The following FAT3 variants were observed in gnomAD, a reference collection of about 807,000 sequenced individuals.
FAT3 encodes the protein protocadherin Fat 3.
Under a neutral mutation model 310.2 loss-of-function variants are expected in FAT3, and 95 were observed. The observed-to-expected ratio is 0.31, with a 90% CI of 0.26 to 0.36. The LOEUF (loss-of-function observed/expected upper bound fraction) is 0.36. Ranked by LOEUF, FAT3 falls within the 10% of genes least tolerant of loss-of-function variation. FAT3 has a pLI of 1.00. For synonymous variants in FAT3, 2,314 were observed against 2,192.9 expected, an observed-to-expected ratio of 1.06 and a Z score of -1.54; for missense variants, 5,408 against 5,715.6, an observed-to-expected ratio of 0.95 and a Z score of 1.74.
At chr11:92,752,986 T>G (rs571924589) in intron 4 of FAT3, among the ~76,000 whole-genome samples, 1 of 152,306 alleles carries the variant, frequency 6.6e-6, no homozygotes, top group East Asian at 1.9e-4. Context: ...TCAACCTGGG[T>G]TGAGATTTCT....
At chr11:92,824,384 A>C (rs1386164066) in intron 13 of FAT3, among the ~76,000 whole-genome samples, 2 of 152,170 alleles carry the variant, frequency 1.3e-5, no homozygotes, top group East Asian at 3.9e-4. Flanking sequence ...AAAGAAAATC[A>C]TTTTTAAATC....
chr11:92,765,263 G>T (rs543169594), intron 6 of FAT3, among the ~76,000 whole-genome samples, 174 bp downstream of exon 6: 1 of 152,086 alleles, frequency 6.6e-6, no homozygotes, highest in Non-Finnish European at 1.5e-5. Context: ...CTGTGCTTTC[G>T]TTCCAACTCT....
At position 92,866,944 on chromosome 11, in the gene FAT3, T is replaced by C. The variant is rs1224956462; in HGVS notation, c.11862T>C (p.Ser3954=). Residue 3954 remains serine, a synonymous_variant, in exon 22 of 28, where the codon AGT becomes AGC. Coordinates refer to ENST00000525166, the MANE Select transcript of FAT3 (RefSeq NM_001367949.2). ...ACTTCCAGACGCTGAGCACTGAGAG[T>C]AGCATCTACTTCGGCGCCCTGGTGC... ...PLYFQTLSTE[S]SIYFGALVQA... is the part of the protein sequence containing the mutation. 1 of 1,613,578 alleles carries C rather than the reference T, an allele frequency of 6.2e-7. No homozygotes were observed. The highest frequency in any genetic ancestry group is 8.5e-7 in the Non-Finnish European group (1 of 1,179,734).
intron 1 of FAT3, among the ~76,000 whole-genome samples, chr11:92,280,924 T>G (rs986989962): frequency 6.6e-6 from 1 of 152,196 alleles, no homozygotes; most frequent in African/African-American, 2.4e-5. Context: ...CAAGCCAACT[T>G]CTTAAAATCT....
At chr11:92,448,213 A>G (rs570065226) in intron 2 of FAT3, among the ~76,000 whole-genome samples, 5 of 152,322 alleles carry the variant, frequency 3.3e-5, no homozygotes, top group African/African-American at 9.6e-5. Context: ...GGCAAAAAAT[A>G]TAAGGATTCA....
At chr11:92,597,761 T>C (rs981900348) in intron 3 of FAT3, among the ~76,000 whole-genome samples, 3 of 152,214 alleles carry the variant, frequency 2.0e-5, no homozygotes, top group African/African-American at 7.2e-5. Context: ...TCCAGACTGA[T>C]ATGAATCAAA....
intron 3 of FAT3, among the ~76,000 whole-genome samples, chr11:92,531,818 C>T (rs1954084130): frequency 6.6e-6 from 1 of 151,982 alleles, no homozygotes; most frequent in Non-Finnish European, 1.5e-5. Context: ...GTTTCTCAAC[C>T]TCGATACTGT....
chr11:92,755,423 C>T (rs1945964298), intron 4 of FAT3, among the ~76,000 whole-genome samples: 1 of 152,006 alleles, frequency 6.6e-6, no homozygotes, highest in African/African-American at 2.4e-5. Context: ...AGGGTCTCAC[C>T]ATGTTGGCCA....
chr11:92,289,076 T>G (rs189713226), intron 1 of FAT3, among the ~76,000 whole-genome samples: 28 of 152,252 alleles, frequency 1.8e-4, no homozygotes, highest in Admixed American at 7.2e-4. Flanking sequence ...TAGGCCTTAA[T>G]GCACAGACTT....
intron 3 of FAT3, among the ~76,000 whole-genome samples, chr11:92,546,620 T>G (rs1217422489): frequency 1.3e-5 from 2 of 152,236 alleles, no homozygotes; most frequent in African/African-American, 4.8e-5. Context: ...CCGTACATAG[T>G]GAAGCACAAA....
chr11:92,543,207 A>G (rs1358823450), intron 3 of FAT3, among the ~76,000 whole-genome samples: 3 of 152,070 alleles, frequency 2.0e-5, no homozygotes, highest in Non-Finnish European at 2.9e-5. Flanking sequence ...GGAAGAGATT[A>G]ATCAACATGT....
At chr11:92,491,215 A>T (rs1342453637) in intron 2 of FAT3, among the ~76,000 whole-genome samples, 1 of 151,880 alleles carries the variant, frequency 6.6e-6, no homozygotes, top group Non-Finnish European at 1.5e-5. Flanking sequence ...TAGCTTAGTG[A>T]CTCTCAGCTG....
chr11:92,616,255 CT>C, intron 3 of FAT3, among the ~76,000 whole-genome samples: 1 of 152,150 alleles, frequency 6.6e-6, no homozygotes, highest in South Asian at 2.1e-4. Context: ...CTCTTTTGAT[CT>C]TTGTTGGTTT....
At chr11:92,597,834 G>A (rs555280728) in intron 3 of FAT3, among the ~76,000 whole-genome samples, 148 of 152,176 alleles carry the variant, frequency 9.7e-4, no homozygotes, top group Non-Finnish European at 1.8e-3. Context: ...AGTAATCCAT[G>A]GGAATACAAA....
At chr11:92,822,034 G>A (rs1358546868) in intron 13 of FAT3, among the ~76,000 whole-genome samples, 1 of 152,040 alleles carries the variant, frequency 6.6e-6, no homozygotes, top group African/African-American at 2.4e-5. Flanking sequence ...CTCTGCAGTT[G>A]ATTATAATGC....
intron 2 of FAT3, among the ~76,000 whole-genome samples, chr11:92,392,499 G>A (rs961741957): frequency 1.3e-5 from 2 of 152,072 alleles, no homozygotes; most frequent in Non-Finnish European, 2.9e-5. Context: ...TTATCCTTGG[G>A]ACTCAGGGTA....
chr11:92,670,945 C>T (rs1255433454), intron 3 of FAT3, among the ~76,000 whole-genome samples: 1 of 152,138 alleles, frequency 6.6e-6, no homozygotes, highest in Admixed American at 6.5e-5. Flanking sequence ...TGCTATAAAA[C>T]TAAATTTTTA....
At chr11:92,530,576 A>G (rs986825045) in intron 3 of FAT3, among the ~76,000 whole-genome samples, 4 of 150,198 alleles carry the variant, frequency 2.7e-5, no homozygotes, top group African/African-American at 1.0e-4. Context: ...TGGATTCCTA[A>G]GACTTGTAGT....
chr11:92,720,359 C>G (rs577552619), intron 4 of FAT3, among the ~76,000 whole-genome samples: 1 of 152,192 alleles, frequency 6.6e-6, no homozygotes, highest in South Asian at 2.1e-4. Flanking sequence ...TTGCTAATAC[C>G]ATTGCTTTAG....
Sources: allele counts gnomAD v4.1 joint callset (sites outside exome capture counted in the v4.1 genomes callset), GRCh38; gene constraint gnomAD v4.1.1; transcripts MANE v1.5; gene names NCBI Gene and HGNC (gene_info 2026-07-23, HGNC 2026-07-21).